INPP4B: variants seen among roughly 807,000 people sequenced by gnomAD.
INPP4B encodes the protein inositol polyphosphate 4-phosphatase type II.
Under a neutral mutation model 122.5 loss-of-function variants are expected in INPP4B, and 55 were observed. The observed-to-expected ratio is 0.45, with a 90% CI of 0.36 to 0.56. The LOEUF (loss-of-function observed/expected upper bound fraction) is 0.56. INPP4B is among the 20% of genes least tolerant of loss of function. INPP4B has a pLI of 0.00. For missense variants in INPP4B, 1,000 were observed against 1,097.7 expected, an observed-to-expected ratio of 0.91 and a Z score of 1.26; for synonymous variants, 403 against 388.7, an observed-to-expected ratio of 1.04 and a Z score of -0.43.
chr4:142,687,305 G>A (rs867193278), intron 2 of INPP4B, among the ~76,000 whole-genome samples: 1 of 151,960 alleles, frequency 6.6e-6, no homozygotes, highest in Middle Eastern at 3.4e-3. Context: ...GCTTCAGAGC[G>A]CTTTTAAAAA....
At chr4:142,588,029 T>A (rs1001402724) in intron 2 of INPP4B, among the ~76,000 whole-genome samples, 1 of 151,944 alleles carries the variant, frequency 6.6e-6, no homozygotes, top group African/African-American at 2.4e-5. Context: ...AAAATAAATG[T>A]AATTCACTAC....
At chr4:142,123,234 G>C in intron 20 of INPP4B, 58 bp downstream of exon 20, 1 of 1,385,368 alleles carries the variant, frequency 7.2e-7, no homozygotes, top group Non-Finnish European at 9.7e-7. Flanking sequence ...AAAATTTCTG[G>C]ATTAAATGTC....
chr4:142,223,343 A>G (rs541822003), intron 12 of INPP4B, among the ~76,000 whole-genome samples: 51 of 152,314 alleles, frequency 3.3e-4, no homozygotes, highest in Admixed American at 5.9e-4. Context: ...GAGAGATTAA[A>G]TGGTGTTCTA....
intron 1 of INPP4B, among the ~76,000 whole-genome samples, chr4:142,773,000 T>G (rs750558968): frequency 1.1e-4 from 17 of 151,974 alleles, no homozygotes; most frequent in Non-Finnish European, 2.4e-4. Flanking sequence ...GAGCTGAGAT[T>G]GCACCACTAC....
intron 1 of INPP4B, among the ~76,000 whole-genome samples, chr4:142,807,423 G>T (rs141424022): frequency 4.0e-4 from 61 of 152,242 alleles, no homozygotes; most frequent in African/African-American, 1.3e-3. Context: ...CTGGAAAGTG[G>T]TATTCAAAGG....
intron 3 of INPP4B, among the ~76,000 whole-genome samples, chr4:142,438,072 A>G (rs1810921259): frequency 6.6e-6 from 1 of 152,180 alleles, no homozygotes; most frequent in South Asian, 2.1e-4. Context: ...AAATGGAAAA[A>G]CATTCCACGC....
chr4:142,266,473 T>C (rs2150487918), intron 10 of INPP4B, among the ~76,000 whole-genome samples: 1 of 152,320 alleles, frequency 6.6e-6, no homozygotes, highest in South Asian at 2.1e-4. Context: ...ATATTTGATA[T>C]TTTTGTAAAG....
rs112477803 is a variant in INPP4B, at chr4:142,288,426, T to C, written c.503+17032A>G. On this transcript the variant is annotated intron_variant, in intron 9 of 25. Transcript: ENST00000262992. ...GGTGAAACCCCATCTCTACCAAAAA[T>C]ACAAAAAATTAGCTGAGCGTGGTGT... 1.7e-3 allele frequency among the ~76,000 whole-genome samples: 258 copies of C among 152,148 alleles called. 1 individual carries two copies. The highest frequency in any genetic ancestry group is 5.9e-3 in the African/African-American group (247 of 41,518).
intron 23 of INPP4B, among the ~76,000 whole-genome samples, chr4:142,092,017 C>T (rs1447803215): frequency 1.3e-5 from 2 of 152,174 alleles, no homozygotes; most frequent in African/African-American, 4.8e-5. Context: ...ATCCATACCC[C>T]TTGAAATCAA....
At chr4:142,127,727 A>G (rs1799258564) in intron 18 of INPP4B, among the ~76,000 whole-genome samples, 1 of 152,232 alleles carries the variant, frequency 6.6e-6, no homozygotes, top group African/African-American at 2.4e-5. Context: ...TGTCTTTAAA[A>G]TAGTAGTAAG....
In INPP4B at chr4:142,160,208, G is replaced by T. The variant is rs79915198; in HGVS notation, c.1563+150C>A. Reference sequence around the variant, plus strand: ...GGATTTCAACTTCCAAAAAAAAATTGCCCCTAAGGAAAAATGTGGCCTATT... The same window carrying T: ...GGATTTCAACTTCCAAAAAAAAATTTCCCCTAAGGAAAAATGTGGCCTATT... On this transcript the variant is annotated intron_variant, in intron 17 of 25. Transcript: ENST00000262992. The T allele has an allele frequency of 7.9e-3, 3,621 of 458,208 alleles. 110 individuals are homozygous for T. Among genetic ancestry groups the T allele is most frequent in the African/African-American group, 0.065 (3,270 of 50,530 alleles). The allele number at this position is 458,208 out of a possible 1,614,324, so 28.4% of individuals were successfully genotyped here. A position where few individuals can be genotyped will look rare whatever the true frequency, so the allele number is the denominator to read the frequency against.
chr4:142,722,264 G>C (rs1764786156), intron 2 of INPP4B, among the ~76,000 whole-genome samples: 1 of 152,116 alleles, frequency 6.6e-6, no homozygotes, highest in Non-Finnish European at 1.5e-5. Flanking sequence ...GTCTCAGAAA[G>C]CATCTTAAAG....
intron 9 of INPP4B, among the ~76,000 whole-genome samples, chr4:142,300,344 C>G (rs969966590): frequency 6.6e-6 from 1 of 152,132 alleles, no homozygotes; most frequent in Non-Finnish European, 1.5e-5. Context: ...AAGAATGCGC[C>G]TTTGGAAGAC....
chr4:142,697,618 T>C (rs1012990580), intron 2 of INPP4B, among the ~76,000 whole-genome samples: 6 of 152,192 alleles, frequency 3.9e-5, no homozygotes, highest in African/African-American at 1.4e-4. Context: ...TTTGCTTTAT[T>C]ACTTTATATG....
chr4:142,297,584 C>A (rs996051026), intron 9 of INPP4B, among the ~76,000 whole-genome samples: 4 of 151,962 alleles, frequency 2.6e-5, no homozygotes, highest in African/African-American at 9.7e-5. Flanking sequence ...TCCTACTTCA[C>A]CTTTTGCCGT....
At chr4:142,113,952 T>C (rs1236211407) in intron 21 of INPP4B, among the ~76,000 whole-genome samples, 1 of 152,084 alleles carries the variant, frequency 6.6e-6, no homozygotes, top group Non-Finnish European at 1.5e-5. Context: ...TGCCTGTTTA[T>C]AGTCAGCTAT....
At chr4:142,536,487 C>T (rs1485086768) in intron 2 of INPP4B, among the ~76,000 whole-genome samples, 2 of 152,156 alleles carry the variant, frequency 1.3e-5, no homozygotes, top group African/African-American at 4.8e-5. Flanking sequence ...CATTTTCTGT[C>T]TTTCTACAAT....
At chr4:142,636,869 A>C in intron 2 of INPP4B, among the ~76,000 whole-genome samples, 1 of 152,122 alleles carries the variant, frequency 6.6e-6, no homozygotes, top group East Asian at 1.9e-4. Flanking sequence ...AATTACTTGT[A>C]ATTATAGGAT....
intron 1 of INPP4B, among the ~76,000 whole-genome samples, chr4:142,817,140 G>A (rs559048394): frequency 6.6e-6 from 1 of 152,254 alleles, no homozygotes; most frequent in Non-Finnish European, 1.5e-5. Context: ...ACATAACAAT[G>A]AAGATGGGGA....
Sources: allele counts gnomAD v4.1 joint callset (sites outside exome capture counted in the v4.1 genomes callset), GRCh38; gene constraint gnomAD v4.1.1; transcripts MANE v1.5; gene names NCBI Gene and HGNC (gene_info 2026-07-23, HGNC 2026-07-21).